MMEL1: variants seen among roughly 807,000 people sequenced by gnomAD.
MMEL1 encodes the protein membrane metallo-endopeptidase-like 1.
In MMEL1, 98 loss-of-function variants were observed where a neutral mutation model predicts 117.1. The ratio of observed to expected loss-of-function variants is 0.84; its 90% CI spans 0.71 to 0.99. The LOEUF is 0.99. Ranked by LOEUF, MMEL1 falls within the 50% of genes least tolerant of loss-of-function variation. The probability of loss-of-function intolerance (pLI) is 0.00; values close to 1 mark genes in which losing one functional copy is unlikely to be tolerated. For missense variants in MMEL1, 1,014 were observed against 1,049.1 expected, an observed-to-expected ratio of 0.97 and a Z score of 0.46; for synonymous variants, 390 against 415.1, an observed-to-expected ratio of 0.94 and a Z score of 0.74.
chr1:2,630,538 ACTGT>A (rs1638500269), intron 1 of MMEL1, among the ~76,000 whole-genome samples: 1 of 146,412 alleles, frequency 6.8e-6, no homozygotes, highest in African/African-American at 2.6e-5. Context: ...GTGGATATGC[ACTGT>A]CTACGCTCAT....
At chr1:2,617,426 CAA>C (rs35881431) in intron 2 of MMEL1, among the ~76,000 whole-genome samples, 2,333 of 56,046 alleles carry the variant, frequency 0.042, 26 homozygotes, top group African/African-American at 0.07. Context: ...GACTCCGTCT[CAA>C]AAAAAAAAAA....
chr1:2,608,497 T>C (rs1234640561), intron 6 of MMEL1, among the ~76,000 whole-genome samples: 6 of 125,872 alleles, frequency 4.8e-5, no homozygotes, highest in African/African-American at 2.0e-4. Flanking sequence ...ACACATAACA[T>C]GTATACACAC....
At position 2,596,557 on chromosome 1, in the gene MMEL1, C is replaced by A; in HGVS notation, c.1401+4G>T. ...CGCGTGGGCCATGGATGAGGGGCGCCCACCATGCTCTTGCTGTCTCCAGGG... is the reference window on the plus strand; with the variant it reads ...CGCGTGGGCCATGGATGAGGGGCGCACACCATGCTCTTGCTGTCTCCAGGG... On this transcript the variant is annotated splice_donor_region_variant and intron_variant, in intron 14 of 23. Coordinates refer to ENST00000378412, the MANE Select transcript of MMEL1 (RefSeq NM_033467.4). 6.2e-7 allele frequency: 1 copy of A among 1,608,590 alleles called. No homozygotes were observed. Among genetic ancestry groups the A allele is most frequent in the Non-Finnish European group, 8.5e-7 (1 of 1,179,640 alleles).
intron 2 of MMEL1, among the ~76,000 whole-genome samples, chr1:2,627,639 T>TA (rs1638335923): frequency 6.6e-6 from 1 of 152,148 alleles, no homozygotes; most frequent in South Asian, 2.1e-4. Flanking sequence ...TCAATAATTT[T>TA]AAAAAAGTAA....
intron 9 of MMEL1, 82 bp from the exon 10 acceptor site, chr1:2,604,363 C>T (rs1225195954): frequency 5.7e-6 from 9 of 1,567,680 alleles, no homozygotes; most frequent in African/African-American, 2.7e-5. Context: ...GTGGGGTGGG[C>T]GTAGGACATG....
At chr1:2,591,170 C>A (rs562088557) in intron 23 of MMEL1, 81 bp from the exon 24 acceptor site, 1 of 1,004,138 alleles carries the variant, frequency 1.0e-6, no homozygotes, top group East Asian at 2.7e-5. Flanking sequence ...TGATTAAAAA[C>A]CAGCCCAAAA....
At chr1:2,591,171 C>CA in intron 23 of MMEL1, 82 bp from the exon 24 acceptor site, 1 of 925,240 alleles carries the variant, frequency 1.1e-6, no homozygotes, top group Non-Finnish European at 1.6e-6. Flanking sequence ...GATTAAAAAC[C>CA]AGCCCAAAAC....
chr1:2,596,025 T>G lies in MMEL1; in HGVS notation c.1484A>C (p.Lys495Thr). The G allele has an allele frequency of 1.2e-6, 2 of 1,613,964 alleles. No individual in the cohort carries two copies. The highest frequency in any genetic ancestry group is 8.5e-7 in the Non-Finnish European group (1 of 1,179,932). The change falls in exon 15 of 24, where the codon AAG becomes ACG. Residue 495 changes from lysine to threonine, a missense_variant. Physicochemically the swap from Lys to Thr is moderately conservative, Grantham distance 78 (BLOSUM62 -1). Transcript: ENST00000378412. Reference sequence around the variant, plus strand: ...GCCACATACCTTCTCCTGCGCCTTCTTCTTGGACTCCTCGTCCATCCAGCC... The same window carrying G: ...GCCACATACCTTCTCCTGCGCCTTCGTCTTGGACTCCTCGTCCATCCAGCC... ...ELGWMDEESKKKAQEKAMSIR... is the reference protein window; with the variant it reads ...ELGWMDEESKTKAQEKAMSIR...
At position 2,593,829 on chromosome 1, in the gene MMEL1, C is replaced by T. The variant is rs530721264; in HGVS notation, c.1852G>A (p.Gly618Ser). 6.2e-5 allele frequency: 99 copies of T among 1,609,018 alleles called. 1 individual carries two copies. The highest frequency in any genetic ancestry group is 4.9e-4 in the African/African-American group (37 of 74,838). The change falls in exon 19 of 24, where the codon GGC (glycine) becomes AGC (serine). Residue 618 changes from glycine to serine, a missense_variant. Transcript: ENST00000378412. Reference protein sequence around the residue: ...GMVIGHEITHGFDDNGRNFDK... With the variant: ...GMVIGHEITHSFDDNGRNFDK... ...GGCCGCTCACCATTGTCGTCAAAGC[C>T]GTGCGTGATCTCGTGCCCGATCACC...
intron 2 of MMEL1, among the ~76,000 whole-genome samples, chr1:2,626,657 G>C (rs1284922396): frequency 6.6e-6 from 1 of 152,218 alleles, no homozygotes; most frequent in Non-Finnish European, 1.5e-5. Context: ...TAGAATTCTA[G>C]GATGGACATG....
intron 12 of MMEL1, 22 bp downstream of exon 12, chr1:2,598,632 G>A (rs764620802): frequency 1.2e-6 from 2 of 1,613,360 alleles, no homozygotes; most frequent in Non-Finnish European, 1.7e-6. Flanking sequence ...TGAGGCCTTT[G>A]GAGACCCTCC....
rs532194491 is a variant in MMEL1, at chr1:2,590,916, C to T, written c.*74G>A. Reference sequence around the variant, plus strand: ...CGGGGCGGGACGTACACTGGGTCGCCGCTAGCTGCACCTTCGCACAGATGC... The same window carrying T: ...CGGGGCGGGACGTACACTGGGTCGCTGCTAGCTGCACCTTCGCACAGATGC... On this transcript the variant is annotated 3_prime_UTR_variant, in exon 24 of 24. Transcript: ENST00000378412. 32 of 1,201,286 alleles carry T rather than the reference C, an allele frequency of 2.7e-5. No homozygotes were observed. The highest frequency in any genetic ancestry group is 2.2e-4 in the African/African-American group (14 of 62,864). The allele number at this position is 1,201,286 out of a possible 1,614,324, so 74.4% of individuals were successfully genotyped here.
chr1:2,610,574 T>C (rs1645108921), intron 4 of MMEL1, among the ~76,000 whole-genome samples: 1 of 152,184 alleles, frequency 6.6e-6, no homozygotes, highest in Non-Finnish European at 1.5e-5. Context: ...TCAGTGTGCT[T>C]GGTCCCCAGA....
chr1:2,604,207 G>C lies in MMEL1; in HGVS notation c.891C>G (p.Asp297Glu). The change falls in exon 10 of 24, where the codon GAC becomes GAG. Residue 297 changes from aspartate (D) to glutamate (E), a missense_variant. Transcript: ENST00000378412. Reference sequence around the variant, plus strand: ...CCATGTCCTCCTGCACCAGGCAGCTGTCCCTGGGCAGGTTTGCATCCTCCC... The same window carrying C: ...CCATGTCCTCCTGCACCAGGCAGCTCTCCCTGGGCAGGTTTGCATCCTCCC... Reference protein sequence around the residue: ...LLREDANLPRDSCLVQEDMVQ... With the variant: ...LLREDANLPRESCLVQEDMVQ... 1 of 1,612,738 alleles carries C rather than the reference G, an allele frequency of 6.2e-7. No individual in the cohort carries two copies. The highest frequency in any genetic ancestry group is 8.5e-7 in the Non-Finnish European group (1 of 1,179,942).
rs369019258 is a variant in MMEL1, at chr1:2,596,550, G to A, written c.1401+11C>T. The A allele has an allele frequency of 7.5e-6, 12 of 1,607,086 alleles. No homozygotes were observed. Among genetic ancestry groups the A allele is most frequent in the African/African-American group, 6.7e-5 (5 of 74,892 alleles). On this transcript the variant is annotated intron_variant, in intron 14 of 23. Coordinates refer to ENST00000378412, the MANE Select transcript of MMEL1 (RefSeq NM_033467.4). ...CTGGCCCCGCGTGGGCCATGGATGA[G>A]GGGCGCCCACCATGCTCTTGCTGTC... is the stretch of plus-strand genomic sequence containing the variant.
chr1:2,602,740 G>A (rs961927043), intron 11 of MMEL1, among the ~76,000 whole-genome samples: 1 of 152,150 alleles, frequency 6.6e-6, no homozygotes, highest in Non-Finnish European at 1.5e-5. Flanking sequence ...TCTAGCCCCG[G>A]TGCTCATTAG....
intron 22 of MMEL1, 60 bp from the exon 23 acceptor site, chr1:2,591,693 G>A: frequency 8.0e-7 from 1 of 1,252,772 alleles, no homozygotes; most frequent in Admixed American, 1.7e-5. Flanking sequence ...GGAGGGGTGG[G>A]GGAGGGTCTC....
chr1:2,614,904 C>G (rs75265574), intron 2 of MMEL1, among the ~76,000 whole-genome samples: 2 of 151,310 alleles, frequency 1.3e-5, no homozygotes, highest in Admixed American at 6.6e-5. Flanking sequence ...AGTGCTCCCC[C>G]CCAAAAAACT....
rs781420673 is a variant in MMEL1, at chr1:2,598,724, C to T, written c.1108G>A (p.Glu370Lys). The T allele has an allele frequency of 9.4e-5, 151 of 1,613,998 alleles. No homozygotes were observed. The highest frequency in any genetic ancestry group is 1.3e-4 in the Non-Finnish European group (150 of 1,180,022). The change falls in exon 12 of 24, where the codon GAG becomes AAG. Residue 370 changes from glutamate to lysine, a missense_variant. By Grantham distance (56) the Glu-to-Lys change is moderately conservative (BLOSUM62 1). Transcript: ENST00000378412. ...SSVKIKLLPD[E>K]EVVVYGIPYL... ...GGGATGCCATAGACCACCACTTCCT[C>T]ATCTGGCAGCAGCTTGATTTTGACA...
Sources: allele counts gnomAD v4.1 joint callset (sites outside exome capture counted in the v4.1 genomes callset), GRCh38; gene constraint gnomAD v4.1.1; transcripts MANE v1.5; gene names NCBI Gene and HGNC (gene_info 2026-07-23, HGNC 2026-07-21).